Variants in EDIL3 observed in about 807,000 individuals in gnomAD.
The protein encoded by EDIL3 is EGF-like repeat and discoidin I-like domain-containing protein 3.
Under a neutral mutation model 67.4 loss-of-function variants are expected in EDIL3, and 37 were observed. The observed-to-expected ratio is 0.55, with a 90% confidence interval of 0.42 to 0.72. The LOEUF (loss-of-function observed/expected upper bound fraction) is 0.72. EDIL3 is among the 30% of genes least tolerant of loss of function. The pLI, the probability that EDIL3 is intolerant of heterozygous loss-of-function variation, is 0.00. For synonymous variants in EDIL3, 195 were observed against 196.3 expected, an observed-to-expected ratio of 0.99 and a Z score of 0.05; for missense variants, 527 against 586.3, an observed-to-expected ratio of 0.90 and a Z score of 1.04.
intron 1 of EDIL3, among the ~76,000 whole-genome samples, chr5:84,342,778 T>C (rs988100185): frequency 1.3e-5 from 2 of 152,024 alleles, no homozygotes; most frequent in Non-Finnish European, 2.9e-5. Flanking sequence ...AAGTGTTTGT[T>C]TCATCTATTT....
At chr5:84,245,588 TGAA>T (rs1202086107) in intron 2 of EDIL3, among the ~76,000 whole-genome samples, 1 of 152,164 alleles carries the variant, frequency 6.6e-6, no homozygotes, top group Non-Finnish European at 1.5e-5. Flanking sequence ...TGAAAATCAA[TGAA>T]GAAGATGAAA....
At chr5:84,193,136 T>C (rs1039348322) in intron 3 of EDIL3, among the ~76,000 whole-genome samples, 11 of 152,118 alleles carry the variant, frequency 7.2e-5, no homozygotes, top group African/African-American at 2.6e-4. Flanking sequence ...GACACATGAA[T>C]ACATTTAGAC....
At chr5:84,069,791 T>C (rs978424307) in intron 6 of EDIL3, among the ~76,000 whole-genome samples, 6 of 152,098 alleles carry the variant, frequency 3.9e-5, no homozygotes, top group Non-Finnish European at 8.8e-5. Context: ...AGTGTTTTCA[T>C]GCCCAAATGT....
intron 1 of EDIL3, among the ~76,000 whole-genome samples, chr5:84,295,329 CTAA>C (rs1425463690): frequency 6.6e-6 from 1 of 151,860 alleles, no homozygotes; most frequent in Non-Finnish European, 1.5e-5. Flanking sequence ...CATTTATGCA[CTAA>C]TAATATGAAC....
intron 1 of EDIL3, among the ~76,000 whole-genome samples, chr5:84,267,461 C>G (rs987455083): frequency 1.3e-5 from 2 of 152,138 alleles, no homozygotes; most frequent in African/African-American, 4.8e-5. Flanking sequence ...GATAGTAGCG[C>G]AGATACCAGA....
intron 5 of EDIL3, among the ~76,000 whole-genome samples, chr5:84,134,809 C>T (rs775643366): frequency 6.6e-6 from 1 of 152,092 alleles, no homozygotes; most frequent in Non-Finnish European, 1.5e-5. Context: ...TCTTTGTCAG[C>T]ACACGGAGAA....
intron 10 of EDIL3, among the ~76,000 whole-genome samples, chr5:83,946,372 C>T (rs1744308917): frequency 6.6e-6 from 1 of 151,860 alleles, no homozygotes; most frequent in Non-Finnish European, 1.5e-5. Flanking sequence ...CTTTTTCTAA[C>T]ATATGGGGCC....
chr5:84,117,043 T>G (rs966655559), intron 5 of EDIL3, among the ~76,000 whole-genome samples: 300 of 146,198 alleles, frequency 2.1e-3, no homozygotes, highest in Non-Finnish European at 3.0e-3. Context: ...TTTTTTTTTT[T>G]TTGAGACGGA....
chr5:84,260,421 G>A (rs1046870087), intron 1 of EDIL3, among the ~76,000 whole-genome samples: 4 of 152,220 alleles, frequency 2.6e-5, no homozygotes, highest in Middle Eastern at 3.4e-3. Flanking sequence ...CTCAATAAGT[G>A]TTTATTGCCA....
chr5:84,323,133 T>C (rs1746683715), intron 1 of EDIL3, among the ~76,000 whole-genome samples: 1 of 152,108 alleles, frequency 6.6e-6, no homozygotes, highest in Admixed American at 6.6e-5. Flanking sequence ...AAATTATTAA[T>C]GTAAAAGCTA....
rs558161389 is a variant in EDIL3, at chr5:84,337,200, G to A, written c.67+47108C>T. 1.7e-4 allele frequency among the ~76,000 whole-genome samples: 26 copies of A among 152,262 alleles called. No individual in the cohort carries two copies. The Middle Eastern group carries it at 0.01, about 60-fold the overall frequency. On this transcript the variant is annotated intron_variant, in intron 1 of 10. Coordinates refer to ENST00000296591, the MANE Select transcript of EDIL3 (RefSeq NM_005711.5). ...CCAAGCTCTGCACCCTCAGAACTTTGTCTCCTTAAAGGAATTGAATTGTTA... is the reference window on the plus strand; with the variant it reads ...CCAAGCTCTGCACCCTCAGAACTTTATCTCCTTAAAGGAATTGAATTGTTA...
chr5:84,099,023 C>T (rs949212836), intron 6 of EDIL3, among the ~76,000 whole-genome samples: 1 of 151,932 alleles, frequency 6.6e-6, no homozygotes, highest in South Asian at 2.1e-4. Context: ...ATAGGAAATA[C>T]CTAGGGATAT....
intron 9 of EDIL3, among the ~76,000 whole-genome samples, chr5:83,988,060 C>T (rs1745087150): frequency 6.6e-6 from 1 of 151,956 alleles, no homozygotes; most frequent in African/African-American, 2.4e-5. Context: ...TCTGTACTTG[C>T]CTTTTCCCAT....
chr5:84,150,603 A>G (rs1748372762), intron 4 of EDIL3, among the ~76,000 whole-genome samples: 1 of 152,202 alleles, frequency 6.6e-6, no homozygotes, highest in African/African-American at 2.4e-5. Flanking sequence ...CTACCCAACG[A>G]TTACAACAGC....
chr5:84,194,646 T>A (rs1231391947), intron 3 of EDIL3, among the ~76,000 whole-genome samples: 1 of 151,944 alleles, frequency 6.6e-6, no homozygotes, highest in African/African-American at 2.4e-5. Flanking sequence ...AATCCATGAA[T>A]ATATTAAATG....
chr5:84,112,918 T>G (rs2301099), intron 5 of EDIL3, among the ~76,000 whole-genome samples: 9,739 of 152,268 alleles, frequency 0.064, 439 homozygotes, highest in Middle Eastern at 0.13. Flanking sequence ...ATTTGTATAC[T>G]TCATTTTTAA....
intron 2 of EDIL3, among the ~76,000 whole-genome samples, chr5:84,244,803 T>G (rs777563662): frequency 6.6e-6 from 1 of 152,184 alleles, no homozygotes; most frequent in African/African-American, 2.4e-5. Flanking sequence ...GTCCGTGGCC[T>G]GTTATGAACC....
intron 1 of EDIL3, among the ~76,000 whole-genome samples, chr5:84,348,245 T>C (rs1747273372): frequency 6.6e-6 from 1 of 152,118 alleles, no homozygotes; most frequent in South Asian, 2.1e-4. Context: ...CCTGCAGTCA[T>C]TGCTTGAGGG....
At chr5:84,199,797 G>T (rs1743793737) in intron 3 of EDIL3, among the ~76,000 whole-genome samples, 1 of 151,972 alleles carries the variant, frequency 6.6e-6, no homozygotes, top group Admixed American at 6.6e-5. Flanking sequence ...GGAAAAACAG[G>T]CTTCCATGTA....
Sources: gnomAD v4.1 joint callset for allele counts (sites outside exome capture counted in the v4.1 genomes callset) on GRCh38, gnomAD v4.1.1 for gene constraint, MANE v1.5 for transcripts, NCBI Gene and HGNC (gene_info 2026-07-23, HGNC 2026-07-21) for gene names.